The following EBF3 variants were observed in gnomAD, a reference collection of about 807,000 sequenced individuals.
EBF3 encodes EBF transcription factor 3, also known as transcription factor COE3.
In EBF3, 18 loss-of-function variants were observed where a neutral mutation model predicts 77.1. The ratio of observed to expected loss-of-function variants is 0.23; its 90% confidence interval spans 0.16 to 0.35. The LOEUF (loss-of-function observed/expected upper bound fraction) is 0.35, where lower values mean the gene tolerates loss of function less well. Ranked by LOEUF, EBF3 falls within the 10% of genes least tolerant of loss-of-function variation. EBF3 has a pLI of 1.00. For missense variants in EBF3, 558 were observed against 860.0 expected, an observed-to-expected ratio of 0.65 and a Z score of 4.39; for synonymous variants, 350 against 343.5, an observed-to-expected ratio of 1.02 and a Z score of -0.21.
rs1421576120 is a variant in EBF3 at position 129,841,255 on chromosome 10, G to GC, written c.1373-224dup. Among the ~76,000 whole-genome samples, 1 of 152,172 alleles carries GC rather than the reference G, an allele frequency of 6.6e-6. No individual in the cohort carries two copies. The highest frequency in any genetic ancestry group is 2.4e-5 in the African/African-American group (1 of 41,440). The stretch of plus-strand genomic sequence containing the variant: ...CTGTCTCTGCTGGCTTCAACAGCCA[G>GC]CCGGGGCGCGCTTCGATCTCGCCGT... On this transcript the variant is annotated intron_variant, in intron 13 of 16. Coordinates refer to ENST00000440978, the MANE Select transcript of EBF3 (RefSeq NM_001375380.1). The surrounding 1 kb of genome is among the most constrained non-coding windows in gnomAD (Gnocchi z 4.6).
Position 129,835,552 on chromosome 10 carries a change from C to G in EBF3, c.*2391G>C, listed in dbSNP as rs1028353982. ...TGTGAGCTCTTTTGTAGATCAAACC[C>G]TTACTCGTACAAAATAAAATGGAGG... On this transcript the variant is annotated 3_prime_UTR_variant, in exon 17 of 17. Coordinates refer to ENST00000440978, the MANE Select transcript of EBF3 (RefSeq NM_001375380.1). The G allele has an allele frequency of 3.3e-5, 5 of 152,150 alleles. No homozygotes were observed. Among genetic ancestry groups the G allele is most frequent in the African/African-American group, 9.7e-5 (4 of 41,422 alleles). The allele number at this position is 152,150 out of a possible 1,614,324, so 9.4% of individuals were successfully genotyped here. A position where few individuals can be genotyped will look rare whatever the true frequency, so the allele number is the denominator to read the frequency against.
rs7914618 is a variant in EBF3 at position 129,842,502 on chromosome 10, T to G, written c.1195-209A>C. On this transcript the variant is annotated intron_variant, in intron 12 of 16. Coordinates refer to ENST00000440978, the MANE Select transcript of EBF3 (RefSeq NM_001375380.1). The surrounding 1 kb of genome is among the most constrained non-coding windows in gnomAD (Gnocchi z 4.4). ...TATCTGGCTGGGCACGGTGGCTCAC[T>G]CCTGTAATCCCAGCATTTTGGGAGG... Among the ~76,000 whole-genome samples, 118,789 of 152,168 alleles carry G rather than the reference T, an allele frequency of 0.78. 46,692 individuals are homozygous for G. Among genetic ancestry groups the G allele is most frequent in the African/African-American group, 0.87 (36,153 of 41,558 alleles).
chr10:129,840,521 G>A (rs945592719), intron 14 of EBF3, 79 bp from the exon 15 acceptor site: 65 of 1,463,262 alleles, frequency 4.4e-5, no homozygotes, highest in Admixed American at 6.2e-5. Context: ...GCCTCGCCTC[G>A]GACGGGGGGG....
intron 10 of EBF3, among the ~76,000 whole-genome samples, chr10:129,862,436 T>C (rs1433987276): frequency 6.6e-6 from 1 of 152,186 alleles, no homozygotes; most frequent in East Asian, 1.9e-4. Context: ...GCAGACAACA[T>C]GTTGACTCCC....
At chr10:129,838,397 G>A (rs550576887) in intron 16 of EBF3, among the ~76,000 whole-genome samples, 4 of 152,308 alleles carry the variant, frequency 2.6e-5, no homozygotes, top group South Asian at 2.1e-4. Flanking sequence ...CCCTGCTCTC[G>A]CTCCCTATGT....
At chr10:129,946,722 T>G (rs1028654657) in intron 6 of EBF3, among the ~76,000 whole-genome samples, 3 of 152,090 alleles carry the variant, frequency 2.0e-5, no homozygotes, top group African/African-American at 7.2e-5. Flanking sequence ...GCCCCCACAT[T>G]GTGGGGAGCA....
At chr10:129,847,791 T>G (rs1464592852) in intron 11 of EBF3, among the ~76,000 whole-genome samples, 1 of 152,212 alleles carries the variant, frequency 6.6e-6, no homozygotes, top group Non-Finnish European at 1.5e-5. Context: ...AAAATGGAAT[T>G]TCTGTGATAT....
chr10:129,893,115 A>T (rs1276856586), intron 6 of EBF3, among the ~76,000 whole-genome samples: 1 of 152,162 alleles, frequency 6.6e-6, no homozygotes, highest in Admixed American at 6.5e-5. Flanking sequence ...AAATGTACCA[A>T]TCCCCGGGAA....
rs753318648 is a variant in EBF3 at position 129,873,573 on chromosome 10, G to A, written c.660C>T (p.Asn220=). ...ACACGGCCAGCACGTGGCCGTCCAC[G>A]TTGACTGTTGTCGATACAACAACCT... The part of the protein sequence containing the change: ...RFQVVVSTTV[N]VDGHVLAVSD... Residue 220 remains asparagine (N), a synonymous_variant, in exon 8 of 17, where the codon AAC becomes AAT. Coordinates refer to ENST00000440978, the MANE Select transcript of EBF3 (RefSeq NM_001375380.1). The A allele has an allele frequency of 1.4e-5, 22 of 1,558,412 alleles. No homozygotes were observed. The highest frequency in any genetic ancestry group is 1.1e-4 in the South Asian group (9 of 83,142).
chr10:129,961,752 G>GA (rs886395810), intron 4 of EBF3, among the ~76,000 whole-genome samples: 10 of 151,840 alleles, frequency 6.6e-5, no homozygotes, highest in African/African-American at 2.4e-4. Context: ...CTGGAAAGGA[G>GA]AAAAAAAATG....
chr10:129,838,615 G>T (rs1161314209), intron 16 of EBF3, among the ~76,000 whole-genome samples: 1 of 152,208 alleles, frequency 6.6e-6, no homozygotes, highest in African/African-American at 2.4e-5. Context: ...TCTCAGGAAA[G>T]AAGAGAAAAC....
At chr10:129,937,909 T>G (rs1267073868) in intron 6 of EBF3, among the ~76,000 whole-genome samples, 1 of 152,206 alleles carries the variant, frequency 6.6e-6, no homozygotes, top group African/African-American at 2.4e-5. Context: ...CCCTAAAAGG[T>G]GAAGCATGAT....
At chr10:129,882,559 A>C (rs1007839846) in intron 6 of EBF3, among the ~76,000 whole-genome samples, 1 of 152,244 alleles carries the variant, frequency 6.6e-6, no homozygotes, top group Non-Finnish European at 1.5e-5. Context: ...GGTGTTGAGC[A>C]ATATTAGGGC....
At chr10:129,916,143 C>T (rs1365178190) in intron 6 of EBF3, among the ~76,000 whole-genome samples, 1 of 152,148 alleles carries the variant, frequency 6.6e-6, no homozygotes, top group African/African-American at 2.4e-5. Flanking sequence ...TGCTCTCTAA[C>T]AGTGAAAAGC....
intron 6 of EBF3, 142 bp downstream of exon 6, chr10:129,957,114 AAC>A: frequency 1.5e-6 from 1 of 648,760 alleles, no homozygotes; most frequent in South Asian, 2.4e-5. Context: ...TGTGCATGAT[AAC>A]ACACGCGGAC....
At chr10:129,868,244 G>T (rs937921324) in intron 8 of EBF3, among the ~76,000 whole-genome samples, 23 of 152,242 alleles carry the variant, frequency 1.5e-4, no homozygotes, top group Admixed American at 5.2e-4. Flanking sequence ...TTGCTGTACA[G>T]ATCTAAGCAG....
chr10:129,958,900 C>A, intron 5 of EBF3, 34 bp downstream of exon 5: 1 of 1,580,110 alleles, frequency 6.3e-7, no homozygotes, highest in Non-Finnish European at 8.6e-7. Flanking sequence ...GCCGAGGCAG[C>A]CCGCGCCCCC....
Position 129,963,732 on chromosome 10 carries a change from T to C in EBF3, c.37A>G (p.Thr13Ala), listed in dbSNP as rs866544665. The change falls in exon 1 of 17, where the codon ACG (threonine) becomes GCG (alanine). Residue 13 changes from threonine (T) to alanine (A), a missense_variant. By Grantham distance (58) the Thr-to-Ala change is moderately conservative. Transcript: ENST00000440978. This position sits in a 1 kb window ranked among gnomAD's most constrained non-coding sequence, Gnocchi z 7.1. ...CCCAGCGGCTCCTCCTTCATGGTCG[T>C]CCCCCCGCGCGGAATATTCTCCTGA... ...GIQENIPRGG[T>A]TMKEEPLGSG... 3.9e-6 allele frequency: 6 copies of C among 1,533,156 alleles called. No individual in the cohort carries two copies. Among genetic ancestry groups the C allele is most frequent in the East Asian group, 5.3e-5 (2 of 37,536 alleles). 95.0% of individuals were successfully genotyped at this position (1,533,156 alleles called of 1,614,324 possible).
In EBF3 at chr10:129,901,160, G is replaced by A. The variant is rs1465323786; in HGVS notation, c.555-23311C>T. Reference sequence around the variant, plus strand: ...ACATCTGGAGTGTCTCATCCAAGTGGCTGTGGCCCTCTTAGCTGGGAAGAA... The same window carrying A: ...ACATCTGGAGTGTCTCATCCAAGTGACTGTGGCCCTCTTAGCTGGGAAGAA... On this transcript the variant is annotated intron_variant, in intron 6 of 16. Transcript: ENST00000440978. Among the ~76,000 whole-genome samples the A allele has an allele frequency of 2.6e-5, 4 of 152,310 alleles. No individual in the cohort carries two copies. In the East Asian group the frequency reaches 7.7e-4, roughly 29 times the overall value.
Sources: allele counts gnomAD v4.1 joint callset (sites outside exome capture counted in the v4.1 genomes callset), GRCh38; gene constraint gnomAD v4.1.1; non-coding constraint Gnocchi (gnomAD v3.1); transcripts MANE v1.5; gene names NCBI Gene and HGNC (gene_info 2026-07-23, HGNC 2026-07-21).